RAB6A: variants seen among roughly 807,000 people sequenced by gnomAD.
The protein encoded by RAB6A is ras-related protein Rab-6A.
RAB6A carries 8 observed loss-of-function variants against 32.3 expected under a neutral mutation model. The observed-to-expected ratio is 0.25, with a 90% CI of 0.15 to 0.45. The LOEUF (loss-of-function observed/expected upper bound fraction) is 0.45. Ranked by LOEUF, RAB6A falls within the 20% of genes least tolerant of loss-of-function variation. RAB6A has a pLI of 1.00. For missense variants in RAB6A, 104 were observed against 249.4 expected, an observed-to-expected ratio of 0.42 and a Z score of 3.93; for synonymous variants, 73 against 82.1, an observed-to-expected ratio of 0.89 and a Z score of 0.60.
chr11:73,683,371 T>C lies in RAB6A; in HGVS notation c.496-3651A>G, dbSNP rs1945390908. Among the ~76,000 whole-genome samples, 4 of 147,548 alleles carry C rather than the reference T, an allele frequency of 2.7e-5. No individual in the cohort carries two copies. In the South Asian group the frequency reaches 8.8e-4, roughly 32 times the overall value. ...CATGGGCTCAAGTAATCCTCCCACC[T>C]CAGCCTCCCAAGTAGCTGGGACTAC... On this transcript the variant is annotated intron_variant, in intron 6 of 7. Coordinates refer to ENST00000336083, the MANE Select transcript of RAB6A (RefSeq NM_198896.2).
At position 73,720,917 on chromosome 11, in the gene RAB6A, G is replaced by A. The variant is rs1275131223; in HGVS notation, c.130-18C>T. ...ATTGTTGCCTGTAAAACAAAACAAA[G>A]AAGTTAACAAATAATAAGTTTAATG... On this transcript the variant is annotated intron_variant, in intron 2 of 7. Coordinates refer to ENST00000336083, the MANE Select transcript of RAB6A (RefSeq NM_198896.2). The A allele has an allele frequency of 2.5e-6, 4 of 1,578,820 alleles. No individual in the cohort carries two copies. Among genetic ancestry groups the A allele is most frequent in the Non-Finnish European group, 2.6e-6 (3 of 1,151,118 alleles).
chr11:73,705,767 TGAGAGAGAGAGAGAGAGA>T (rs3046616), intron 6 of RAB6A, among the ~76,000 whole-genome samples: 1 of 134,728 alleles, frequency 7.4e-6, no homozygotes, highest in African/African-American at 2.8e-5. Flanking sequence ...ATAATTCCGA[TGAGAGAGAGAGAGAGAGA>T]GAGAGAGAGA....
intron 6 of RAB6A, among the ~76,000 whole-genome samples, chr11:73,689,824 C>T (rs1301302120): frequency 6.9e-6 from 1 of 144,858 alleles, no homozygotes; most frequent in East Asian, 2.1e-4. Flanking sequence ...GACTGTGCCT[C>T]TGTGGAGGTT....
intron 6 of RAB6A, among the ~76,000 whole-genome samples, chr11:73,681,856 T>G (rs998774293): frequency 1.3e-5 from 2 of 152,096 alleles, no homozygotes; most frequent in African/African-American, 4.8e-5. Flanking sequence ...TGTAAAATTT[T>G]GATCTGGTAG....
At position 73,743,299 on chromosome 11, in the gene RAB6A, T is replaced by G. The variant is rs572189149; in HGVS notation, c.71-12476A>C. Among the ~76,000 whole-genome samples, 260 of 133,560 alleles carry G rather than the reference T, an allele frequency of 1.9e-3. 2 individuals carry two copies. The highest frequency in any genetic ancestry group is 7.1e-3 in the African/African-American group (256 of 36,108). 87.6% of individuals were successfully genotyped at this position (133,560 alleles called of 152,430 possible). A position where few individuals can be genotyped will look rare whatever the true frequency, so the allele number is the denominator to read the frequency against. On this transcript the variant is annotated intron_variant, in intron 1 of 7. Coordinates refer to ENST00000336083, the MANE Select transcript of RAB6A (RefSeq NM_198896.2). ...CAGCCTGATCAACAGAGCGAAACTCTGTCTCAAAAAAAAAAAAAAAAAGAG... is the reference window on the plus strand; with the variant it reads ...CAGCCTGATCAACAGAGCGAAACTCGGTCTCAAAAAAAAAAAAAAAAAGAG...
At chr11:73,753,398 T>G (rs538451704) in intron 1 of RAB6A, among the ~76,000 whole-genome samples, 2 of 151,064 alleles carry the variant, frequency 1.3e-5, no homozygotes, top group Non-Finnish European at 2.9e-5. Flanking sequence ...GGTTTCACCA[T>G]GTTGGCCAGG....
At position 73,676,027 on chromosome 11, in the gene RAB6A, T is replaced by C. The variant is rs1313886188; in HGVS notation, c.*1871A>G. On this transcript the variant is annotated 3_prime_UTR_variant, in exon 8 of 8. Coordinates refer to ENST00000336083, the MANE Select transcript of RAB6A (RefSeq NM_198896.2). ...CATCCCATCTTTAAGTATAAGTTACTGGTATGTGGGCTAATGATTATCTGT... is the reference window on the plus strand; with the variant it reads ...CATCCCATCTTTAAGTATAAGTTACCGGTATGTGGGCTAATGATTATCTGT... The C allele has an allele frequency of 6.0e-6, 1 of 166,742 alleles. No individual in the cohort carries two copies. The highest frequency in any genetic ancestry group is 2.4e-5 in the African/African-American group (1 of 41,370). 10.3% of individuals were successfully genotyped at this position (166,742 alleles called of 1,614,324 possible). A position where few individuals can be genotyped will look rare whatever the true frequency, so the allele number is the denominator to read the frequency against.
At chr11:73,712,723 AG>A (rs1223030170) in intron 5 of RAB6A, among the ~76,000 whole-genome samples, 1 of 81,358 alleles carries the variant, frequency 1.2e-5, no homozygotes, top group Non-Finnish European at 2.3e-5. Context: ...CTTTAATTAT[AG>A]AGGCTTTTTT....
chr11:73,744,121 G>A (rs1157855357), intron 1 of RAB6A, among the ~76,000 whole-genome samples: 8 of 151,922 alleles, frequency 5.3e-5, no homozygotes, highest in South Asian at 4.1e-4. Context: ...GGTGGATCAC[G>A]AGGTCAAGAG....
intron 6 of RAB6A, among the ~76,000 whole-genome samples, chr11:73,705,411 G>A (rs746880436): frequency 1.3e-5 from 2 of 152,056 alleles, no homozygotes; most frequent in African/African-American, 2.4e-5. Flanking sequence ...AGCCGGGAAT[G>A]GTGCTGCACA....
In RAB6A at chr11:73,751,002, A is replaced by G. The variant is rs141241822; in HGVS notation, c.70+9564T>C. 2.6e-5 allele frequency among the ~76,000 whole-genome samples: 4 copies of G among 150,998 alleles called. No individual in the cohort carries two copies. In the South Asian group the frequency reaches 8.4e-4, roughly 32 times the overall value. On this transcript the variant is annotated intron_variant, in intron 1 of 7. Coordinates refer to ENST00000336083, the MANE Select transcript of RAB6A (RefSeq NM_198896.2). The stretch of plus-strand genomic sequence containing the variant: ...TAATTTTTTGTAAAGATAGGGTCTC[A>G]CTATGTTGCCCAGGCTGGTCTCCAA...
At chr11:73,734,794 A>G (rs539435454) in intron 1 of RAB6A, among the ~76,000 whole-genome samples, 1 of 152,132 alleles carries the variant, frequency 6.6e-6, no homozygotes, top group African/African-American at 2.4e-5. Flanking sequence ...AATCTAGGAG[A>G]AAAAAAACTA....
At chr11:73,689,864 C>T (rs556732620) in intron 6 of RAB6A, among the ~76,000 whole-genome samples, 1 of 148,744 alleles carries the variant, frequency 6.7e-6, no homozygotes, top group Non-Finnish European at 1.5e-5. Flanking sequence ...ACACTGCACC[C>T]CAGTCTGGGC....
At chr11:73,744,978 G>GAA (rs58654043) in intron 1 of RAB6A, among the ~76,000 whole-genome samples, 3 of 83,124 alleles carry the variant, frequency 3.6e-5, no homozygotes, top group Non-Finnish European at 8.3e-5. Flanking sequence ...CATCTCAAAA[G>GAA]AAAAAAAAAA....
chr11:73,698,462 G>A (rs1471278520), intron 6 of RAB6A, among the ~76,000 whole-genome samples: 1 of 152,100 alleles, frequency 6.6e-6, no homozygotes, highest in East Asian at 1.9e-4. Flanking sequence ...TACTTCATAG[G>A]GATATTGTGA....
intron 3 of RAB6A, 110 bp from the exon 4 acceptor site, chr11:73,718,828 G>A: frequency 6.3e-7 from 1 of 1,591,206 alleles, no homozygotes; most frequent in Non-Finnish European, 8.6e-7. Context: ...AATCACGGAT[G>A]TAACTGGGAA....
intron 5 of RAB6A, among the ~76,000 whole-genome samples, chr11:73,713,140 T>C (rs1362825067): frequency 2.6e-5 from 4 of 152,246 alleles, no homozygotes; most frequent in African/African-American, 9.6e-5. Flanking sequence ...ACCACTTCAG[T>C]GTGACTACTT....
At chr11:73,692,238 C>T (rs999315841) in intron 6 of RAB6A, among the ~76,000 whole-genome samples, 4 of 152,086 alleles carry the variant, frequency 2.6e-5, no homozygotes, top group African/African-American at 7.2e-5. Context: ...GGCGCAGTGG[C>T]TCACGCCTGT....
intron 1 of RAB6A, among the ~76,000 whole-genome samples, chr11:73,732,503 G>A (rs918992436): frequency 2.6e-5 from 4 of 152,160 alleles, no homozygotes; most frequent in South Asian, 2.1e-4. Context: ...GGAGAATGGC[G>A]TGAACCCGGG....
Sources: gnomAD v4.1 joint callset for allele counts (sites outside exome capture counted in the v4.1 genomes callset) on GRCh38, gnomAD v4.1.1 for gene constraint, MANE v1.5 for transcripts, NCBI Gene and HGNC (gene_info 2026-07-23, HGNC 2026-07-21) for gene names.